IMMP2L: variants seen among roughly 807,000 people sequenced by gnomAD.
The protein encoded by IMMP2L is mitochondrial inner membrane protease subunit 2.
Under a neutral mutation model 19.3 loss-of-function variants are expected in IMMP2L, and 18 were observed. That is an observed-to-expected ratio of 0.93 (90% CI 0.64 to 1.38). The LOEUF (loss-of-function observed/expected upper bound fraction) is 1.38. Ranked by LOEUF, IMMP2L falls within the 40% of genes most tolerant of loss-of-function variation. The pLI, the probability that IMMP2L is intolerant of heterozygous loss-of-function variation, is 0.00. For missense variants in IMMP2L, 233 were observed against 218.2 expected (o/e 1.07, Z -0.43); for synonymous variants, 76 against 73.0 (o/e 1.04, Z -0.21).
chr7:111,120,396 T>C (rs1191425462), intron 3 of IMMP2L, among the ~76,000 whole-genome samples: 2 of 152,004 alleles, frequency 1.3e-5, no homozygotes, highest in South Asian at 4.1e-4. Flanking sequence ...ATTTCCCCTA[T>C]AAAAACATCA....
At chr7:111,002,316 C>T (rs1401423578) in intron 3 of IMMP2L, among the ~76,000 whole-genome samples, 3 of 152,004 alleles carry the variant, frequency 2.0e-5, no homozygotes, top group Admixed American at 6.6e-5. Flanking sequence ...CCCAGGAGAA[C>T]GAATGTGTTA....
chr7:111,208,490 G>T (rs1005870551), intron 3 of IMMP2L, among the ~76,000 whole-genome samples: 1 of 152,118 alleles, frequency 6.6e-6, no homozygotes, highest in African/African-American at 2.4e-5. Flanking sequence ...CCAGAGAACT[G>T]ACATTTTTAC....
At chr7:111,328,567 C>G (rs1401646074) in intron 3 of IMMP2L, among the ~76,000 whole-genome samples, 1 of 152,018 alleles carries the variant, frequency 6.6e-6, no homozygotes. Context: ...AGCCCCAATA[C>G]AGCAAGGCTT....
At chr7:111,546,992 G>C (rs913229341) in intron 1 of IMMP2L, among the ~76,000 whole-genome samples, 1 of 152,144 alleles carries the variant, frequency 6.6e-6, no homozygotes. Context: ...AAGAGAAAAA[G>C]CTGAAGAGGC....
intron 1 of IMMP2L, among the ~76,000 whole-genome samples, chr7:111,544,206 T>C (rs1035173623): frequency 1.3e-5 from 2 of 151,560 alleles, no homozygotes; most frequent in Admixed American, 6.6e-5. Context: ...ATGAGAACAC[T>C]TGGACACAGG....
intron 5 of IMMP2L, among the ~76,000 whole-genome samples, chr7:110,714,382 C>T (rs776029687): frequency 4.6e-5 from 7 of 152,104 alleles, no homozygotes; most frequent in South Asian, 2.1e-4. Flanking sequence ...CAATGAGTTT[C>T]TCAGGGATAA....
intron 5 of IMMP2L, among the ~76,000 whole-genome samples, chr7:110,841,665 A>G (rs1207103945): frequency 2.0e-5 from 3 of 152,120 alleles, no homozygotes; most frequent in African/African-American, 7.2e-5. Flanking sequence ...GAATTAACAA[A>G]TATTGAAATA....
chr7:110,678,067 G>A (rs1016512468), intron 5 of IMMP2L, among the ~76,000 whole-genome samples: 1 of 152,130 alleles, frequency 6.6e-6, no homozygotes, highest in Non-Finnish European at 1.5e-5. Flanking sequence ...CTGTAGACAA[G>A]AACTCTTTCC....
At chr7:110,958,457 G>T (rs1462152348) in intron 4 of IMMP2L, among the ~76,000 whole-genome samples, 1 of 152,052 alleles carries the variant, frequency 6.6e-6, no homozygotes, top group Non-Finnish European at 1.5e-5. Context: ...AAAAGAAGTT[G>T]ATTTTTCCCA....
Position 111,007,227 on chromosome 7 carries a change from T to C in IMMP2L, c.240-43662A>G, listed in dbSNP as rs151179201. ...ATAAAACCATTAGAACTTGTAAGAA[T>C]TCACTCATTATCATGAGAACAGCAT... On this transcript the variant is annotated intron_variant, in intron 3 of 5. Transcript: ENST00000405709. Among the ~76,000 whole-genome samples the C allele has an allele frequency of 1.7e-3, 266 of 152,202 alleles. 1 individual carries two copies. Among genetic ancestry groups the C allele is most frequent in the African/African-American group, 5.3e-3 (219 of 41,554 alleles).
chr7:111,506,650 C>T (rs1388537476), intron 2 of IMMP2L, among the ~76,000 whole-genome samples: 1 of 152,196 alleles, frequency 6.6e-6, no homozygotes, highest in Non-Finnish European at 1.5e-5. Flanking sequence ...CTGCCTTGGC[C>T]TCCCAAAGTG....
At chr7:110,932,070 C>T (rs1815552974) in intron 4 of IMMP2L, among the ~76,000 whole-genome samples, 1 of 152,154 alleles carries the variant, frequency 6.6e-6, no homozygotes, top group Non-Finnish European at 1.5e-5. Context: ...CTTCTATTTT[C>T]TTCAGAGTAC....
chr7:111,503,156 A>G (rs1284773753), intron 2 of IMMP2L, among the ~76,000 whole-genome samples: 1 of 152,186 alleles, frequency 6.6e-6, no homozygotes, highest in Non-Finnish European at 1.5e-5. Context: ...CCGATCCCAC[A>G]GAAATACAAA....
chr7:111,036,930 T>A (rs1791416067), intron 3 of IMMP2L, among the ~76,000 whole-genome samples: 1 of 152,164 alleles, frequency 6.6e-6, no homozygotes. Flanking sequence ...TATTTTTGTT[T>A]ATTAATGTTT....
chr7:111,447,324 T>A (rs893548081), intron 3 of IMMP2L, among the ~76,000 whole-genome samples: 4 of 129,460 alleles, frequency 3.1e-5, no homozygotes, highest in East Asian at 2.1e-4. Flanking sequence ...CGGATTACCC[T>A]CAAAGGGAAG....
Position 111,422,446 on chromosome 7 carries a change from A to T in IMMP2L, c.239+64792T>A, listed in dbSNP as rs144142727. Among the ~76,000 whole-genome samples the T allele has an allele frequency of 3.1e-3, 473 of 151,784 alleles. 2 individuals carry two copies. Among genetic ancestry groups the T allele is most frequent in the Non-Finnish European group, 4.3e-3 (292 of 67,982 alleles). ...TTGAAGAGGTCACCACATCCCTTGG[A>T]AGTTGGATTCCTAGGTATTTTACTC... On this transcript the variant is annotated intron_variant, in intron 3 of 5. Coordinates refer to ENST00000405709, the MANE Select transcript of IMMP2L (RefSeq NM_032549.4).
intron 3 of IMMP2L, among the ~76,000 whole-genome samples, chr7:111,258,414 T>C (rs1816957498): frequency 1.3e-5 from 2 of 152,196 alleles, no homozygotes; most frequent in South Asian, 4.1e-4. Context: ...ATCCATATTG[T>C]TCATGCATAT....
At chr7:111,080,946 TA>T (rs2129576415) in intron 3 of IMMP2L, among the ~76,000 whole-genome samples, 1 of 152,318 alleles carries the variant, frequency 6.6e-6, no homozygotes, top group South Asian at 2.1e-4. Flanking sequence ...ATACCCTAAG[TA>T]AATATTCTAT....
chr7:110,693,688 A>G (rs1374945627), intron 5 of IMMP2L, among the ~76,000 whole-genome samples: 1 of 152,192 alleles, frequency 6.6e-6, no homozygotes, highest in Non-Finnish European at 1.5e-5. Context: ...CAGGAAAAAA[A>G]TCCATAGACA....
Sources: allele counts gnomAD v4.1 joint callset (sites outside exome capture counted in the v4.1 genomes callset), GRCh38; gene constraint gnomAD v4.1.1; transcripts MANE v1.5; gene names NCBI Gene and HGNC (gene_info 2026-07-23, HGNC 2026-07-21).